NRG1: variants seen among roughly 807,000 people sequenced by gnomAD.
NRG1 encodes the protein pro-neuregulin-1, membrane-bound isoform.
In NRG1, 18 loss-of-function variants were observed where a neutral mutation model predicts 63.8. The ratio of observed to expected loss-of-function variants is 0.28; its 90% CI spans 0.19 to 0.42. The LOEUF (loss-of-function observed/expected upper bound fraction) is 0.42, where lower values mean the gene tolerates loss of function less well. Among genes scored for constraint, NRG1 ranks in the 10% least tolerant of loss-of-function variants. The probability of loss-of-function intolerance (pLI) is 1.00; values close to 1 mark genes in which losing one functional copy is unlikely to be tolerated. For synonymous variants in NRG1, 302 were observed against 301.3 expected, an observed-to-expected ratio of 1.00 and a Z score of -0.02; for missense variants, 762 against 814.7, an observed-to-expected ratio of 0.94 and a Z score of 0.79.
chr8:32,317,390 T>C (rs1857524701), intron 1 of NRG1, among the ~76,000 whole-genome samples: 4 of 152,200 alleles, frequency 2.6e-5, no homozygotes, highest in Admixed American at 2.6e-4. Context: ...AAAATATGTT[T>C]CTTTCTTTTG....
At chr8:32,511,834 G>A (rs1271391651) in intron 1 of NRG1, among the ~76,000 whole-genome samples, 1 of 152,156 alleles carries the variant, frequency 6.6e-6, no homozygotes, top group African/African-American at 2.4e-5. Flanking sequence ...GAGGTTAGGA[G>A]CATGCAGCTG....
At chr8:32,441,925 T>C (rs935573282) in intron 1 of NRG1, among the ~76,000 whole-genome samples, 1 of 152,140 alleles carries the variant, frequency 6.6e-6, no homozygotes, top group Non-Finnish European at 1.5e-5. Context: ...TATCACAGAA[T>C]TGATGTGAGA....
chr8:32,595,602 TA>T (rs1302752020), intron 1 of NRG1, among the ~76,000 whole-genome samples: 2 of 152,228 alleles, frequency 1.3e-5, no homozygotes, highest in Non-Finnish European at 2.9e-5. Flanking sequence ...TTTTAAGGAA[TA>T]ATTTTCTAAT....
At chr8:32,312,330 A>AT (rs4035492) in intron 1 of NRG1, among the ~76,000 whole-genome samples, 5,899 of 88,916 alleles carry the variant, frequency 0.066, 344 homozygotes, top group Admixed American at 0.12. Context: ...TGCCCAGCTA[A>AT]TTTTTTTTTT....
chr8:32,366,675 G>GTATATATA (rs1461103070), intron 1 of NRG1, among the ~76,000 whole-genome samples: 21 of 54,530 alleles, frequency 3.9e-4, no homozygotes, highest in African/African-American at 6.4e-4. Flanking sequence ...GTGTGTGTGT[G>GTATATATA]TGTATATATA....
intron 5 of NRG1, among the ~76,000 whole-genome samples, chr8:32,707,975 C>T (rs1415727136): frequency 1.3e-5 from 2 of 151,762 alleles, no homozygotes; most frequent in African/African-American, 4.8e-5. Context: ...ACAGGGATAC[C>T]TTTTAAATAA....
intron 1 of NRG1, among the ~76,000 whole-genome samples, chr8:32,166,418 T>C (rs1396221088): frequency 6.6e-6 from 1 of 152,180 alleles, no homozygotes; most frequent in Non-Finnish European, 1.5e-5. Flanking sequence ...TCATTCCTTG[T>C]TTTTGTAATA....
chr8:32,556,097 A>T (rs547826623), intron 1 of NRG1, among the ~76,000 whole-genome samples: 3 of 152,306 alleles, frequency 2.0e-5, no homozygotes, highest in Non-Finnish European at 2.9e-5. Context: ...ATCATATGAA[A>T]TTGTCAGTTT....
intron 1 of NRG1, among the ~76,000 whole-genome samples, chr8:32,110,385 G>GT (rs1472531075): frequency 2.6e-5 from 4 of 152,088 alleles, no homozygotes; most frequent in African/African-American, 9.7e-5. Flanking sequence ...AACCAGCAGT[G>GT]TTTTTTTAAA....
At chr8:32,679,742 A>G (rs1224976789) in intron 5 of NRG1, among the ~76,000 whole-genome samples, 3 of 152,202 alleles carry the variant, frequency 2.0e-5, no homozygotes, top group Non-Finnish European at 4.4e-5. Flanking sequence ...TTGCAAGTCC[A>G]ATCTATTTTT....
intron 1 of NRG1, among the ~76,000 whole-genome samples, chr8:32,059,329 A>C (rs538973114): frequency 6.6e-6 from 1 of 151,592 alleles, no homozygotes. Context: ...CCTACTCCAC[A>C]CTGGACTTAC....
intron 5 of NRG1, among the ~76,000 whole-genome samples, chr8:32,706,219 A>G (rs1262055874): frequency 2.0e-5 from 3 of 152,214 alleles, no homozygotes; most frequent in Non-Finnish European, 2.9e-5. Context: ...GTCGTGGAGA[A>G]GCCCCTTTTG....
At chr8:31,752,793 G>A (rs1816615963) in intron 1 of NRG1, among the ~76,000 whole-genome samples, 1 of 152,018 alleles carries the variant, frequency 6.6e-6, no homozygotes, top group Admixed American at 6.6e-5. Context: ...ATTTGATAAG[G>A]AAATGGTAAT....
At chr8:32,383,426 T>C (rs955185214) in intron 1 of NRG1, among the ~76,000 whole-genome samples, 2 of 152,316 alleles carry the variant, frequency 1.3e-5, no homozygotes, top group East Asian at 3.9e-4. Flanking sequence ...ACCAGAGGGC[T>C]ACCTAGCCAT....
At chr8:32,722,538 T>C (rs543528919) in intron 5 of NRG1, among the ~76,000 whole-genome samples, 13 of 152,338 alleles carry the variant, frequency 8.5e-5, no homozygotes, top group African/African-American at 3.1e-4. Flanking sequence ...ATTTCTCAGC[T>C]ATTTATTCTG....
intron 1 of NRG1, among the ~76,000 whole-genome samples, chr8:32,096,070 T>C (rs1414590732): frequency 6.6e-6 from 1 of 152,092 alleles, no homozygotes; most frequent in African/African-American, 2.4e-5. Context: ...AATGCTCAGG[T>C]GTGAATGATT....
At chr8:32,438,339 T>C (rs1388784426) in intron 1 of NRG1, among the ~76,000 whole-genome samples, 2 of 152,288 alleles carry the variant, frequency 1.3e-5, no homozygotes, top group African/African-American at 4.8e-5. Flanking sequence ...CATACTTCTC[T>C]GGAGATTTAT....
At chr8:32,295,102 A>G (rs556958465) in intron 1 of NRG1, among the ~76,000 whole-genome samples, 2 of 152,246 alleles carry the variant, frequency 1.3e-5, no homozygotes, top group African/African-American at 4.8e-5. Context: ...TTGGTTGTGA[A>G]AATAAAGTGT....
intron 1 of NRG1, among the ~76,000 whole-genome samples, chr8:31,798,922 C>G (rs1046248678): frequency 1.3e-5 from 2 of 152,058 alleles, no homozygotes; most frequent in Non-Finnish European, 2.9e-5. Context: ...AGAAATATTT[C>G]AATATTTTGA....
Sources: gnomAD v4.1 joint callset for allele counts (sites outside exome capture counted in the v4.1 genomes callset) on GRCh38, gnomAD v4.1.1 for gene constraint, MANE v1.5 for transcripts, NCBI Gene and HGNC (gene_info 2026-07-23, HGNC 2026-07-21) for gene names.